LGMN: variants seen among roughly 807,000 people sequenced by gnomAD.
The protein encoded by LGMN is asparaginyl endopeptidase.
In LGMN, 36 loss-of-function variants were observed where a neutral mutation model predicts 56.8. The observed-to-expected ratio is 0.63, with a 90% CI of 0.49 to 0.84. The LOEUF (loss-of-function observed/expected upper bound fraction) is 0.84, where lower values mean the gene tolerates loss of function less well. LGMN is among the 40% of genes least tolerant of loss of function. The pLI is 0.00. For synonymous variants in LGMN, 199 were observed against 210.1 expected, an observed-to-expected ratio of 0.95 and a Z score of 0.46; for missense variants, 446 against 556.1, an observed-to-expected ratio of 0.80 and a Z score of 1.99.
rs146161576 is a variant in LGMN, at chr14:92,726,509, G to A, written c.138+6140C>T. ...GGTGAGGCTCTGAGTGTGTGGGGGT[G>A]GGGAAGGGGCTTGCCAGGAGCACAC... On this transcript the variant is annotated intron_variant, in intron 2 of 13. Transcript: ENST00000334869. 7.2e-5 allele frequency among the ~76,000 whole-genome samples: 11 copies of A among 152,326 alleles called. No homozygotes were observed. The East Asian group carries it at 1.9e-3, about 27-fold the overall frequency.
At chr14:92,725,239 C>T (rs914952454) in intron 2 of LGMN, among the ~76,000 whole-genome samples, 1 of 152,238 alleles carries the variant, frequency 6.6e-6, no homozygotes, top group Non-Finnish European at 1.5e-5. Flanking sequence ...CTCCTAATCT[C>T]TTCCCACCAT....
chr14:92,731,833 A>T (rs1218462566), intron 2 of LGMN, among the ~76,000 whole-genome samples: 2 of 152,202 alleles, frequency 1.3e-5, no homozygotes, highest in Non-Finnish European at 2.9e-5. Flanking sequence ...TTGCTGGGTC[A>T]TATGTTCAAT....
intron 1 of LGMN, chr14:92,742,993 G>A (rs1009754689): frequency 1.1e-4 from 16 of 151,452 alleles, no homozygotes; most frequent in Admixed American, 7.2e-4. Context: ...ATCCGGCCTG[G>A]GTGAGAGAGC....
chr14:92,736,200 C>T (rs1401075290), intron 1 of LGMN, among the ~76,000 whole-genome samples: 2 of 152,158 alleles, frequency 1.3e-5, no homozygotes, highest in Admixed American at 6.5e-5. Context: ...AAAACAAAGT[C>T]ACAGGGAGAT....
rs372057077 is a variant in LGMN, at chr14:92,732,806, T to C, written c.-20A>G. ...AACCATTCTGCACCTTGGAGTTCAA[T>C]TGCAGACACCTGAGAAGGGAAACAC... On this transcript the variant is annotated 5_prime_UTR_variant, in exon 2 of 14. Transcript: ENST00000334869. 9.7e-5 allele frequency: 157 copies of C among 1,610,792 alleles called. No individual in the cohort carries two copies. Among genetic ancestry groups the C allele is most frequent in the Non-Finnish European group, 1.3e-4 (152 of 1,178,790 alleles).
At chr14:92,712,366 C>T (rs1889827184) in intron 8 of LGMN, among the ~76,000 whole-genome samples, 1 of 152,176 alleles carries the variant, frequency 6.6e-6, no homozygotes, top group South Asian at 2.1e-4. Context: ...ATCTCTCTAC[C>T]ATGGGCTTAG....
At position 92,711,694 on chromosome 14, in the gene LGMN, T is replaced by C; in HGVS notation, c.784A>G (p.Thr262Ala). The change falls in exon 10 of 14, where the codon ACC becomes GCC. Residue 262 changes from threonine to alanine, a missense_variant. Transcript: ENST00000334869. ...TACTGCATGACGTGGCTGGTGTTGG[T>C]GTGCGATTTTACCAGGTGGTACTGC... Reference protein sequence around the residue: ...HKQYHLVKSHTNTSHVMQYGN... With the variant: ...HKQYHLVKSHANTSHVMQYGN... 1.2e-6 allele frequency: 2 copies of C among 1,614,240 alleles called. No individual in the cohort carries two copies. The highest frequency in any genetic ancestry group is 1.7e-6 in the Non-Finnish European group (2 of 1,180,036).
chr14:92,712,700 T>C (rs1287128174), intron 8 of LGMN, 105 bp downstream of exon 8: 2 of 1,027,012 alleles, frequency 1.9e-6, no homozygotes, highest in Admixed American at 2.0e-5. Flanking sequence ...TGGCCCAGGC[T>C]GCCCTCAGCA....
At chr14:92,711,108 C>A (rs1398040317) in intron 10 of LGMN, among the ~76,000 whole-genome samples, 1 of 152,186 alleles carries the variant, frequency 6.6e-6, no homozygotes, top group African/African-American at 2.4e-5. Flanking sequence ...AGGGCCCAAG[C>A]TTTTAGCAGC....
chr14:92,704,858 G>A (rs1373225866), intron 12 of LGMN, 151 bp from the exon 13 acceptor site: 1 of 650,624 alleles, frequency 1.5e-6, no homozygotes, highest in South Asian at 1.7e-5. Flanking sequence ...ATAATCTGGT[G>A]ATATTTATGG....
intron 1 of LGMN, among the ~76,000 whole-genome samples, chr14:92,748,035 G>T (rs1891894705): frequency 6.6e-6 from 1 of 152,032 alleles, no homozygotes; most frequent in South Asian, 2.1e-4. Context: ...TATAAGCTTG[G>T]GTATTTCTGT....
Position 92,718,733 on chromosome 14 carries a change from T to C in LGMN, c.236+14A>G. On this transcript the variant is annotated intron_variant, in intron 3 of 13. Transcript: ENST00000334869. ...AAGTCCTTCCCCACCAAGTTCCAAG[T>C]GTTCCCCACTTACTCTTCAGAGTAA... 1 of 1,572,206 alleles carries C rather than the reference T, an allele frequency of 6.4e-7. No homozygotes were observed. The highest frequency in any genetic ancestry group is 8.8e-7 in the Non-Finnish European group (1 of 1,142,782).
At chr14:92,735,280 C>T (rs933376120) in intron 1 of LGMN, among the ~76,000 whole-genome samples, 3 of 152,088 alleles carry the variant, frequency 2.0e-5, no homozygotes, top group African/African-American at 7.2e-5. Flanking sequence ...AATCTCAGCT[C>T]ACTGCAACCT....
chr14:92,709,584 G>C (rs568369017), intron 11 of LGMN, 88 bp downstream of exon 11: 39 of 1,039,080 alleles, frequency 3.8e-5, no homozygotes, highest in East Asian at 2.4e-4. Context: ...GTGTGGCAGG[G>C]AGCATAGGAG....
At chr14:92,708,852 G>A (rs1055331426) in intron 11 of LGMN, among the ~76,000 whole-genome samples, 2 of 32,978 alleles carry the variant, frequency 6.1e-5, no homozygotes, top group Admixed American at 4.8e-4. Flanking sequence ...CAAGACTCTT[G>A]TCTCAAAAAA....
chr14:92,707,143 T>C (rs8013557), intron 11 of LGMN, among the ~76,000 whole-genome samples: 99,348 of 151,426 alleles, frequency 0.66, 33,076 homozygotes, highest in African/African-American at 0.76. Flanking sequence ...GTACTCCCAG[T>C]ACTTTTAGGA....
At chr14:92,728,336 C>T (rs147561751) in intron 2 of LGMN, among the ~76,000 whole-genome samples, 115 of 152,330 alleles carry the variant, frequency 7.5e-4, no homozygotes, top group African/African-American at 2.7e-3. Flanking sequence ...TTAGAATTGG[C>T]ATCGGTGACC....
At chr14:92,728,022 G>A (rs1214746373) in intron 2 of LGMN, among the ~76,000 whole-genome samples, 3 of 152,232 alleles carry the variant, frequency 2.0e-5, no homozygotes, top group African/African-American at 4.8e-5. Flanking sequence ...CTATGTAGCA[G>A]TTGTGATTGC....
intron 2 of LGMN, among the ~76,000 whole-genome samples, chr14:92,728,922 T>C (rs998570536): frequency 6.6e-6 from 1 of 152,154 alleles, no homozygotes; most frequent in Non-Finnish European, 1.5e-5. Flanking sequence ...ACGTGCCAAG[T>C]GCTTGGAACT....
Sources: gnomAD v4.1 joint callset for allele counts (sites outside exome capture counted in the v4.1 genomes callset) on GRCh38, gnomAD v4.1.1 for gene constraint, MANE v1.5 for transcripts, NCBI Gene and HGNC (gene_info 2026-07-23, HGNC 2026-07-21) for gene names.